The following BANK1 variants were observed in gnomAD, a reference collection of about 807,000 sequenced individuals.
The protein encoded by BANK1 is B-cell scaffold protein with ankyrin repeats.
In BANK1, 95 loss-of-function variants were observed where a neutral mutation model predicts 94.5. That is an observed-to-expected ratio of 1.00 (90% CI 0.85 to 1.19). The LOEUF (loss-of-function observed/expected upper bound fraction) is 1.19, where lower values mean the gene tolerates loss of function less well. BANK1 is among the 50% of genes most tolerant of loss of function. BANK1 has a pLI of 0.00. For missense variants in BANK1, 987 were observed against 932.2 expected (o/e 1.06, Z -0.77); for synonymous variants, 334 against 308.4 (o/e 1.08, Z -0.87).
chr4:101,901,010 C>A (rs1722265134), intron 6 of BANK1, among the ~76,000 whole-genome samples: 2 of 152,034 alleles, frequency 1.3e-5, no homozygotes. Flanking sequence ...GATAAAGTTT[C>A]TGAGAGAAGA....
chr4:101,863,003 T>C (rs1022973958), intron 4 of BANK1, among the ~76,000 whole-genome samples: 1 of 152,014 alleles, frequency 6.6e-6, no homozygotes, highest in Non-Finnish European at 1.5e-5. Flanking sequence ...GATTAGCAAT[T>C]TATTTTGAGT....
chr4:102,038,193 G>C (rs1398111909), intron 10 of BANK1, among the ~76,000 whole-genome samples: 2 of 152,092 alleles, frequency 1.3e-5, no homozygotes, highest in Non-Finnish European at 2.9e-5. Context: ...AGAGTACCAA[G>C]TTTTATCATC....
At chr4:101,827,961 T>G (rs1726429067) in intron 1 of BANK1, among the ~76,000 whole-genome samples, 1 of 151,960 alleles carries the variant, frequency 6.6e-6, no homozygotes, top group Admixed American at 6.5e-5. Flanking sequence ...ATTTGTATAC[T>G]TTTGTTAGTC....
intron 14 of BANK1, among the ~76,000 whole-genome samples, chr4:102,071,519 C>T (rs777043270): frequency 6.6e-6 from 1 of 152,066 alleles, no homozygotes; most frequent in Non-Finnish European, 1.5e-5. Flanking sequence ...ATAAAAGGAC[C>T]GTGAGTTTGG....
chr4:102,046,899 T>G (rs556046758), intron 11 of BANK1, among the ~76,000 whole-genome samples: 19 of 152,224 alleles, frequency 1.2e-4, no homozygotes, highest in African/African-American at 4.6e-4. Context: ...GGGGTAACAT[T>G]AGCTGCCCAT....
chr4:102,066,870 G>A (rs1305860436), intron 13 of BANK1, among the ~76,000 whole-genome samples: 5 of 152,096 alleles, frequency 3.3e-5, no homozygotes, highest in African/African-American at 1.2e-4. Flanking sequence ...TGAAACTTAA[G>A]TTAGAAGTTA....
At chr4:101,825,337 G>A (rs1726322850) in intron 1 of BANK1, among the ~76,000 whole-genome samples, 4 of 152,056 alleles carry the variant, frequency 2.6e-5, no homozygotes, top group South Asian at 2.1e-4. Context: ...TGCAGTTCAA[G>A]GCCACTGGGC....
chr4:102,009,555 G>A (rs1726415301), intron 7 of BANK1, among the ~76,000 whole-genome samples: 1 of 152,106 alleles, frequency 6.6e-6, no homozygotes, highest in Non-Finnish European at 1.5e-5. Flanking sequence ...TAATTGTTAG[G>A]TGACTTGCCA....
intron 7 of BANK1, among the ~76,000 whole-genome samples, chr4:101,966,593 T>G (rs1560657076): frequency 6.6e-6 from 1 of 152,078 alleles, no homozygotes; most frequent in African/African-American, 2.4e-5. Context: ...CAAAGATAAT[T>G]AATTAGACTT....
intron 7 of BANK1, among the ~76,000 whole-genome samples, chr4:101,928,383 T>G (rs1180488912): frequency 6.6e-6 from 1 of 151,426 alleles, no homozygotes; most frequent in Non-Finnish European, 1.5e-5. Context: ...CTGGTATGAG[T>G]GTCTTGTGGA....
chr4:101,838,489 T>G (rs907154374), intron 2 of BANK1, among the ~76,000 whole-genome samples: 1 of 152,214 alleles, frequency 6.6e-6, no homozygotes, highest in Admixed American at 6.5e-5. Context: ...TTTTTTAACA[T>G]TTCAATTCCA....
chr4:101,954,555 G>A (rs1296828989), intron 7 of BANK1, among the ~76,000 whole-genome samples: 1 of 152,082 alleles, frequency 6.6e-6, no homozygotes, highest in Non-Finnish European at 1.5e-5. Flanking sequence ...GAGGTGATTG[G>A]ATTGATGAGG....
At chr4:102,049,153 G>A (rs1479552168) in intron 11 of BANK1, among the ~76,000 whole-genome samples, 1 of 152,068 alleles carries the variant, frequency 6.6e-6, no homozygotes, top group East Asian at 1.9e-4. Context: ...CTATAATAAG[G>A]GAAGATGGCT....
At chr4:101,847,774 CAT>C (rs1491209852) in intron 2 of BANK1, among the ~76,000 whole-genome samples, 10 of 138,416 alleles carry the variant, frequency 7.2e-5, no homozygotes, top group East Asian at 4.4e-4. Context: ...CACACACACA[CAT>C]ATGTCTCACA....
chr4:102,029,231 A>G (rs1727201261), intron 9 of BANK1, among the ~76,000 whole-genome samples: 1 of 152,156 alleles, frequency 6.6e-6, no homozygotes, highest in African/African-American at 2.4e-5. Context: ...GCTTGTAGAA[A>G]ACAAAAGCTG....
intron 8 of BANK1, among the ~76,000 whole-genome samples, chr4:102,023,579 C>G (rs1008925913): frequency 6.6e-6 from 1 of 152,098 alleles, no homozygotes; most frequent in African/African-American, 2.4e-5. Flanking sequence ...GAGGGTGAAG[C>G]ACAGAACCCT....
intron 10 of BANK1, among the ~76,000 whole-genome samples, chr4:102,033,053 TTTTTCTAGA>T (rs1164153181): frequency 2.6e-5 from 4 of 152,184 alleles, no homozygotes; most frequent in Non-Finnish European, 4.4e-5. Context: ...TGCTTTTAAC[TTTTTCTAGA>T]ATACTCTTCA....
rs1727919029 is a variant in BANK1, at chr4:101,862,584, T to C, written c.683T>C (p.Val228Ala). ...GAAGTAATTGGTGATACTGTAGAGG[T>C]TGAATTTACATCAAGTAATAAGCGC... is the stretch of plus-strand genomic sequence containing the variant. ...RDEVIGDTVE[V>A]EFTSSNKRIR... Residue 228 changes from valine (V) to alanine (A), a missense_variant, in exon 4 of 17, where the codon GTT becomes GCT. By Grantham distance (64) the Val-to-Ala change is moderately conservative. Transcript: ENST00000322953. The C allele has an allele frequency of 6.2e-7, 1 of 1,611,390 alleles. No homozygotes were observed.
In BANK1 at chr4:101,837,298, A is replaced by C. The variant is rs145404307; in HGVS notation, c.469+7092A>C. 1.5e-3 allele frequency among the ~76,000 whole-genome samples: 236 copies of C among 152,342 alleles called. 1 individual carries two copies. The highest frequency in any genetic ancestry group is 5.5e-3 in the African/African-American group (229 of 41,568). ...ATTTATTAAGGTTTGAAAAATTGTT[A>C]GCTGCCAACTTTAAGATTCAGGGAT... On this transcript the variant is annotated intron_variant, in intron 2 of 16. Transcript: ENST00000322953.
Sources: gnomAD v4.1 joint callset for allele counts (sites outside exome capture counted in the v4.1 genomes callset) on GRCh38, gnomAD v4.1.1 for gene constraint, MANE v1.5 for transcripts, NCBI Gene and HGNC (gene_info 2026-07-23, HGNC 2026-07-21) for gene names.